Variants in INPP5D observed in about 807,000 individuals in gnomAD.
INPP5D encodes phosphatidylinositol 3,4,5-trisphosphate 5-phosphatase 1.
In INPP5D, 33 loss-of-function variants were observed where a neutral mutation model predicts 122.9. The ratio of observed to expected loss-of-function variants is 0.27; its 90% CI spans 0.20 to 0.36. The LOEUF (loss-of-function observed/expected upper bound fraction) is 0.36. Ranked by LOEUF, INPP5D falls within the 10% of genes least tolerant of loss-of-function variation. The pLI is 1.00. For synonymous variants in INPP5D, 584 were observed against 576.2 expected (o/e 1.01, Z -0.19); for missense variants, 1,053 against 1,412.7 (o/e 0.75, Z 4.08).
rs1411507423 is a variant in INPP5D, at chr2:233,170,931, GC to G, written c.1901-131del. ...AAAAAAAAAAAAAAAAAAAGCAGCA[GC>G]CTCTCCTCTTGGAGCCTTTCCAGCC... is the stretch of plus-strand genomic sequence containing the variant. On this transcript the variant is annotated intron_variant, in intron 16 of 26. Transcript: ENST00000445964. This position sits in a 1 kb window ranked among gnomAD's most constrained non-coding sequence, Gnocchi z 4.5. The G allele has an allele frequency of 7.8e-6, 7 of 892,792 alleles. No homozygotes were observed. Among genetic ancestry groups the G allele is most frequent in the Non-Finnish European group, 1.1e-5 (7 of 612,700 alleles). 55.3% of individuals were successfully genotyped at this position (892,792 alleles called of 1,614,324 possible).
chr2:233,170,612 C>G lies in INPP5D; in HGVS notation c.1900+8C>G, dbSNP rs1694468335. The G allele has an allele frequency of 1.2e-6, 2 of 1,612,124 alleles. No homozygotes were observed. The highest frequency in any genetic ancestry group is 1.7e-6 in the Non-Finnish European group (2 of 1,179,122). ...AGGTCTTCCTACACTTCGGTAAGAG[C>G]AGCAACCCCGGCTGGGAGCGGTGGC... On this transcript the variant is annotated splice_region_variant and intron_variant, in intron 16 of 26. Transcript: ENST00000445964. This position sits in a 1 kb window ranked among gnomAD's most constrained non-coding sequence, Gnocchi z 4.5.
rs747364373 is a variant in INPP5D at position 233,169,419 on chromosome 2, C to G, written c.1652+18C>G. 5 of 1,572,784 alleles carry G rather than the reference C, an allele frequency of 3.2e-6. No individual in the cohort carries two copies. The East Asian group carries it at 9.3e-5, about 29-fold the overall frequency. On this transcript the variant is annotated intron_variant, in intron 14 of 26. Transcript: ENST00000445964. ...AAACTCAGGTAATGGAACTCCTTCC[C>G]CCCAAGAGTGTGCATTTGGGCTGTC...
chr2:233,070,290 G>A (rs1449131825), intron 1 of INPP5D, among the ~76,000 whole-genome samples: 1 of 152,018 alleles, frequency 6.6e-6, no homozygotes, highest in Non-Finnish European at 1.5e-5. Context: ...TTTATATAGT[G>A]AAGTCTCTCA....
At chr2:233,194,796 CTTTT>C (rs368475597) in intron 23 of INPP5D, among the ~76,000 whole-genome samples, 1 of 150,252 alleles carries the variant, frequency 6.7e-6, no homozygotes, top group Non-Finnish European at 1.5e-5. Flanking sequence ...TGCACCGAGC[CTTTT>C]TTTTTCTTTC....
intron 4 of INPP5D, among the ~76,000 whole-genome samples, chr2:233,127,355 T>A (rs368684337): frequency 1.3e-5 from 2 of 152,248 alleles, no homozygotes; most frequent in East Asian, 1.9e-4. Context: ...AGAGCCGCCC[T>A]CCATTCTCAG....
At chr2:233,169,257 A>T (rs1559331336) in intron 13 of INPP5D, 48 bp from the exon 14 acceptor site, 1 of 1,555,634 alleles carries the variant, frequency 6.4e-7, no homozygotes, top group Admixed American at 1.9e-5. Flanking sequence ...CCCCTTGGCA[A>T]GTGTGTCTGT....
At chr2:233,111,333 A>G (rs1692621773) in intron 2 of INPP5D, among the ~76,000 whole-genome samples, 1 of 152,114 alleles carries the variant, frequency 6.6e-6, no homozygotes, top group South Asian at 2.1e-4. Flanking sequence ...TATTTATGGA[A>G]GTTATATATA....
At chr2:233,169,159 G>C in intron 13 of INPP5D, 146 bp from the exon 14 acceptor site, 1 of 1,200,198 alleles carries the variant, frequency 8.3e-7, no homozygotes, top group Non-Finnish European at 1.2e-6. Flanking sequence ...CTGCCCAGCG[G>C]CTCCCACCCT....
Position 233,176,861 on chromosome 2 carries a change from G to A in INPP5D, c.1990-404G>A, listed in dbSNP as rs185227356. On this transcript the variant is annotated intron_variant, in intron 17 of 26. Transcript: ENST00000445964. ...GGGTAGATGGGGAGATGAAAAGGTGGACAGATGGATGAATAGAACTGGGGG... is the reference window on the plus strand; with the variant it reads ...GGGTAGATGGGGAGATGAAAAGGTGAACAGATGGATGAATAGAACTGGGGG... 5.5e-3 allele frequency among the ~76,000 whole-genome samples: 834 copies of A among 152,012 alleles called. 8 individuals are homozygous for A. The highest frequency in any genetic ancestry group is 0.019 in the African/African-American group (804 of 41,450).
At chr2:233,204,073 C>A in intron 25 of INPP5D, 53 bp from the exon 26 acceptor site, 1 of 1,455,074 alleles carries the variant, frequency 6.9e-7, no homozygotes, top group Non-Finnish European at 9.1e-7. Flanking sequence ...CAGCCATGCT[C>A]CCATGTCTTC....
At position 233,206,795 on chromosome 2, in the gene INPP5D, C is replaced by T. The variant is rs769668729; in HGVS notation, c.*87C>T. The stretch of plus-strand genomic sequence containing the variant: ...CTCTCCCGGGACCTCCTGCTGGCTC[C>T]TCCTGCCCAGCTTCCTATGCAAGGC... On this transcript the variant is annotated 3_prime_UTR_variant, in exon 27 of 27. Coordinates refer to ENST00000445964, the MANE Select transcript of INPP5D (RefSeq NM_001017915.3). The surrounding 1 kb of genome is among the most constrained non-coding windows in gnomAD (Gnocchi z 4.0). 1 of 722,060 alleles carries T rather than the reference C, an allele frequency of 1.4e-6. No individual in the cohort carries two copies. Among genetic ancestry groups the T allele is most frequent in the Non-Finnish European group, 2.6e-6 (1 of 387,090 alleles). The allele number at this position is 722,060 out of a possible 1,614,324, so 44.7% of individuals were successfully genotyped here.
Position 233,146,402 on chromosome 2 carries a change from G to T in INPP5D, c.870G>T (p.Pro290=). ...TGCTGCACGAGGGTCCTGAGTCTCCGCACCGGCCCTCCCTTATCCCTCCAG... is the reference window on the plus strand; with the variant it reads ...TGCTGCACGAGGGTCCTGAGTCTCCTCACCGGCCCTCCCTTATCCCTCCAG... ...KALLHEGPES[P]HRPSLIPPVT... Residue 290 remains proline, a synonymous_variant, in exon 8 of 27, where the codon CCG becomes CCT. Transcript: ENST00000445964. The T allele has an allele frequency of 1.4e-6, 1 of 704,258 alleles. No homozygotes were observed. The highest frequency in any genetic ancestry group is 2.7e-5 in the East Asian group (1 of 37,424). 43.6% of individuals were successfully genotyped at this position (704,258 alleles called of 1,614,324 possible).
At chr2:233,123,243 C>G (rs1693044615) in intron 3 of INPP5D, among the ~76,000 whole-genome samples, 1 of 152,162 alleles carries the variant, frequency 6.6e-6, no homozygotes, top group African/African-American at 2.4e-5. Context: ...ATCACGAGGT[C>G]AGGAGATCGA....
At chr2:233,194,201 C>T (rs1369089914) in intron 23 of INPP5D, among the ~76,000 whole-genome samples, 1 of 152,082 alleles carries the variant, frequency 6.6e-6, no homozygotes, top group African/African-American at 2.4e-5. Flanking sequence ...TTTTTAGGGC[C>T]CCGAACCTCA....
chr2:233,079,393 G>A lies in INPP5D; in HGVS notation c.193G>A (p.Val65Ile), dbSNP rs893930697. The change falls in exon 2 of 27, where the codon GTT (valine) becomes ATT (isoleucine). Residue 65 changes from valine to isoleucine, a missense_variant. By Grantham distance (29) the Val-to-Ile change is conservative. Around this residue, in one of 6 missense-constraint regions of INPP5D, gnomAD observed 74 missense variants for 146.6 expected, o/e 0.50. Coordinates refer to ENST00000445964, the MANE Select transcript of INPP5D (RefSeq NM_001017915.3). ...ILPNEDDKFT[V>I]QASEGVSMRF... ...GCCCAATGAAGATGATAAATTCACT[G>A]TTCAGGTGAGTCCTTTATAAACCTA... 11 of 1,580,646 alleles carry A rather than the reference G, an allele frequency of 7.0e-6. No homozygotes were observed. The highest frequency in any genetic ancestry group is 4.0e-5 in the African/African-American group (3 of 74,240).
At chr2:233,185,419 A>C (rs1445786302) in intron 20 of INPP5D, among the ~76,000 whole-genome samples, 1 of 152,120 alleles carries the variant, frequency 6.6e-6, no homozygotes, top group Non-Finnish European at 1.5e-5. Flanking sequence ...TTAATAAACT[A>C]TCAAGACAGT....
At chr2:233,198,889 G>A (rs1201988078) in intron 25 of INPP5D, among the ~76,000 whole-genome samples, 3 of 151,646 alleles carry the variant, frequency 2.0e-5, no homozygotes, top group African/African-American at 7.3e-5. Context: ...GGTGGAGGTT[G>A]CGGTGCGCCG....
At chr2:233,135,040 G>C (rs1232276951) in intron 5 of INPP5D, among the ~76,000 whole-genome samples, 1 of 151,824 alleles carries the variant, frequency 6.6e-6, no homozygotes, top group Non-Finnish European at 1.5e-5. Context: ...GTAGCTGGCA[G>C]GATATGTTCT....
At position 233,060,343 on chromosome 2, in the gene INPP5D, G is replaced by T. The variant is rs1236229602; in HGVS notation, c.-136G>T. 2.0e-6 allele frequency: 2 copies of T among 990,982 alleles called. No homozygotes were observed. Among genetic ancestry groups the T allele is most frequent in the African/African-American group, 1.6e-5 (1 of 61,892 alleles). 61.4% of individuals were successfully genotyped at this position (990,982 alleles called of 1,614,324 possible). A position where few individuals can be genotyped will look rare whatever the true frequency, so the allele number is the denominator to read the frequency against. ...AGCGCCTGAAACAGGAAGTCAGTCA[G>T]TTAAGCTGGTGGCAGCAGCCGAGGC... On this transcript the variant is annotated 5_prime_UTR_variant, in exon 1 of 27. Coordinates refer to ENST00000445964, the MANE Select transcript of INPP5D (RefSeq NM_001017915.3).
Sources: gnomAD v4.1 joint callset for allele counts (sites outside exome capture counted in the v4.1 genomes callset) on GRCh38, gnomAD v4.1.1 for gene constraint, gnomAD v4.1.1 regional missense constraint, Gnocchi (gnomAD v3.1) non-coding constraint, MANE v1.5 for transcripts, NCBI Gene and HGNC (gene_info 2026-07-23, HGNC 2026-07-21) for gene names.